The following PTPN4 variants were observed in gnomAD, a reference collection of about 807,000 sequenced individuals.
PTPN4 encodes the protein protein tyrosine phosphatase non-receptor type 4.
In PTPN4, 49 loss-of-function variants were observed where a neutral mutation model predicts 135.5. That is an observed-to-expected ratio of 0.36 (90% CI 0.29 to 0.46). The LOEUF is 0.46. Ranked by LOEUF, PTPN4 falls within the 20% of genes least tolerant of loss-of-function variation. The pLI is 1.00. For missense variants in PTPN4, 860 were observed against 1,101.0 expected (o/e 0.78, Z 3.10); for synonymous variants, 333 against 369.9 (o/e 0.90, Z 1.14).
chr2:119,885,218 A>T (rs1678138667), intron 8 of PTPN4, among the ~76,000 whole-genome samples: 1 of 152,222 alleles, frequency 6.6e-6, no homozygotes, highest in African/African-American at 2.4e-5. Flanking sequence ...CTAGAAAAAT[A>T]AAGTGGAGAA....
intron 13 of PTPN4, among the ~76,000 whole-genome samples, chr2:119,930,832 T>TG (rs1351754965): frequency 6.6e-6 from 1 of 151,426 alleles, no homozygotes; most frequent in African/African-American, 2.4e-5. Context: ...GGTAATTGTT[T>TG]TTTTTTTTTT....
chr2:119,975,905 G>A (rs1175579940), intron 26 of PTPN4, among the ~76,000 whole-genome samples: 3 of 151,764 alleles, frequency 2.0e-5, no homozygotes, highest in Non-Finnish European at 4.4e-5. Context: ...ATGAAGTCTA[G>A]TCTAGTCTCT....
chr2:119,947,926 A>G (rs1234681418), intron 18 of PTPN4, among the ~76,000 whole-genome samples: 1 of 152,134 alleles, frequency 6.6e-6, no homozygotes, highest in Non-Finnish European at 1.5e-5. Context: ...TCAGTAGCCC[A>G]CAGGGACCTC....
intron 10 of PTPN4, among the ~76,000 whole-genome samples, chr2:119,904,580 TCTC>T (rs1307921151): frequency 6.6e-6 from 1 of 151,924 alleles, no homozygotes; most frequent in Non-Finnish European, 1.5e-5. Flanking sequence ...CCCGAAAAGG[TCTC>T]CTCCAAGGCA....
intron 10 of PTPN4, among the ~76,000 whole-genome samples, chr2:119,901,958 G>C (rs1232049563): frequency 1.3e-5 from 2 of 152,112 alleles, no homozygotes; most frequent in African/African-American, 4.8e-5. Flanking sequence ...TGAAAGAACA[G>C]TATTTAAGAT....
At chr2:119,793,789 T>C (rs1691197270) in intron 1 of PTPN4, among the ~76,000 whole-genome samples, 1 of 151,874 alleles carries the variant, frequency 6.6e-6, no homozygotes, top group Admixed American at 6.6e-5. Context: ...AAAATCCATG[T>C]ATATTTTGCT....
At chr2:119,771,856 T>G (rs977813345) in intron 1 of PTPN4, among the ~76,000 whole-genome samples, 1 of 152,226 alleles carries the variant, frequency 6.6e-6, no homozygotes, top group Non-Finnish European at 1.5e-5. Flanking sequence ...CTTGTAGTAG[T>G]CTTTTTAAGT....
chr2:119,954,616 G>A lies in PTPN4; in HGVS notation c.1814-541G>A, dbSNP rs192376107. On this transcript the variant is annotated intron_variant, in intron 19 of 26. Transcript: ENST00000263708. ...AAAAATGGGACTGAGAGTGGGTAAC[G>A]GTAGAATACAGGCCTAGGATCTAGG... Among the ~76,000 whole-genome samples, 28 of 152,190 alleles carry A rather than the reference G, an allele frequency of 1.8e-4. 1 individual carries two copies. Among genetic ancestry groups the A allele is most frequent in the Admixed American group, 3.3e-4 (5 of 15,282 alleles).
chr2:119,851,143 A>G (rs1209480067), intron 2 of PTPN4, among the ~76,000 whole-genome samples: 1 of 152,168 alleles, frequency 6.6e-6, no homozygotes, highest in Non-Finnish European at 1.5e-5. Context: ...TGTATTTTTT[A>G]GACTTCTCCA....
intron 5 of PTPN4, among the ~76,000 whole-genome samples, chr2:119,880,500 G>T (rs555388276): frequency 6.6e-6 from 1 of 151,804 alleles, no homozygotes; most frequent in Non-Finnish European, 1.5e-5. Flanking sequence ...CGCGATCTCG[G>T]CTCATTGCAA....
chr2:119,979,211 T>C lies in PTPN4; in HGVS notation c.*2141T>C, dbSNP rs539507883. The stretch of plus-strand genomic sequence containing the variant: ...CACCTGAATTTAAAAATAAAATTTG[T>C]CTGTTCTATCTGTATGGACAGAATA... On this transcript the variant is annotated 3_prime_UTR_variant, in exon 27 of 27. Coordinates refer to ENST00000263708, the MANE Select transcript of PTPN4 (RefSeq NM_002830.4). 6.6e-6 allele frequency: 1 copy of C among 152,272 alleles called. No individual in the cohort carries two copies. The highest frequency in any genetic ancestry group is 1.5e-5 in the Non-Finnish European group (1 of 67,978). 9.4% of individuals were successfully genotyped at this position (152,272 alleles called of 1,614,324 possible). A position where few individuals can be genotyped will look rare whatever the true frequency, so the allele number is the denominator to read the frequency against.
intron 2 of PTPN4, among the ~76,000 whole-genome samples, chr2:119,847,275 T>TATACACACAC (rs1553451350): frequency 5.6e-5 from 6 of 107,538 alleles, no homozygotes; most frequent in African/African-American, 2.3e-4. Flanking sequence ...ATACTCTATA[T>TATACACACAC]ACACACACAC....
intron 22 of PTPN4, 51 bp from the exon 23 acceptor site, chr2:119,960,756 A>G: frequency 6.4e-7 from 1 of 1,566,104 alleles, no homozygotes; most frequent in Non-Finnish European, 8.7e-7. Flanking sequence ...ATTCCTGATT[A>G]CTGTAAAAAG....
intron 1 of PTPN4, among the ~76,000 whole-genome samples, chr2:119,765,262 A>C (rs964094223): frequency 1.3e-5 from 2 of 152,214 alleles, no homozygotes; most frequent in African/African-American, 4.8e-5. Context: ...TAGCTACCCA[A>C]AGCCACCAAG....
At chr2:119,860,547 C>T (rs997907671) in intron 2 of PTPN4, among the ~76,000 whole-genome samples, 1 of 152,050 alleles carries the variant, frequency 6.6e-6, no homozygotes, top group African/African-American at 2.4e-5. Flanking sequence ...TCTTTTGTGC[C>T]TCTGTACTTT....
At chr2:119,900,060 T>G (rs1678381191) in intron 9 of PTPN4, among the ~76,000 whole-genome samples, 1 of 152,102 alleles carries the variant, frequency 6.6e-6, no homozygotes, top group African/African-American at 2.4e-5. Context: ...ATCTAAGAAA[T>G]GTATTTTTAT....
chr2:119,901,562 A>G (rs956890112), intron 10 of PTPN4, among the ~76,000 whole-genome samples: 3 of 152,230 alleles, frequency 2.0e-5, no homozygotes, highest in African/African-American at 7.2e-5. Context: ...AGTATATCAT[A>G]TCCAGCATTT....
At chr2:119,876,330 C>T (rs1677981964) in intron 3 of PTPN4, among the ~76,000 whole-genome samples, 4 of 151,910 alleles carry the variant, frequency 2.6e-5, no homozygotes, top group Admixed American at 6.6e-5. Flanking sequence ...AATTAAGAGG[C>T]GATAGAGCTT....
At chr2:119,838,446 C>T (rs898732568) in intron 2 of PTPN4, among the ~76,000 whole-genome samples, 2 of 152,204 alleles carry the variant, frequency 1.3e-5, no homozygotes, top group African/African-American at 2.4e-5. Flanking sequence ...AAACATACTA[C>T]CTTCCAAAGT....
Sources: gnomAD v4.1 joint callset for allele counts (sites outside exome capture counted in the v4.1 genomes callset) on GRCh38, gnomAD v4.1.1 for gene constraint, MANE v1.5 for transcripts, NCBI Gene and HGNC (gene_info 2026-07-23, HGNC 2026-07-21) for gene names.